ZNF8: variants seen among roughly 807,000 people sequenced by gnomAD.
ZNF8 encodes zinc finger protein 8.
In ZNF8, 9 loss-of-function variants were observed where a neutral mutation model predicts 12.2. That is an observed-to-expected ratio of 0.73 (90% CI 0.44 to 1.28). The LOEUF (loss-of-function observed/expected upper bound fraction) is 1.28. Among genes scored for constraint, ZNF8 ranks in the 50% most tolerant of loss-of-function variants. The probability of loss-of-function intolerance (pLI) is 0.00; values close to 1 mark genes in which losing one functional copy is unlikely to be tolerated. For missense variants in ZNF8, 664 were observed against 729.1 expected (o/e 0.91, Z 1.03); for synonymous variants, 274 against 282.3 (o/e 0.97, Z 0.30).
intron 3 of ZNF8, among the ~76,000 whole-genome samples, chr19:58,289,799 A>T (rs2147958086): frequency 6.7e-6 from 1 of 149,830 alleles, no homozygotes; most frequent in East Asian, 2.0e-4. Context: ...CCATTTCAAG[A>T]TTCTTTTTTT....
chr19:58,294,207 T>C lies in ZNF8; in HGVS notation c.399T>C (p.Tyr133=). The C allele has an allele frequency of 6.2e-7, 1 of 1,614,136 alleles. No homozygotes were observed. ...GREGFPTDAP[Y]PTTLGKDREC... ...AAGGATTCCCGACAGATGCTCCTTA[T>C]CCCACCACGTTAGGGAAAGACAGGG... The change falls in exon 4 of 4, where the codon TAT becomes TAC. Residue 133 remains tyrosine (Y), a synonymous_variant. Coordinates refer to ENST00000621650, the MANE Select transcript of ZNF8 (RefSeq NM_021089.3). The surrounding 1 kb of genome is among the most constrained non-coding windows in gnomAD (Gnocchi z 5.5).
At chr19:58,286,326 C>T (rs2051383437) in intron 3 of ZNF8, 121 bp downstream of exon 3, 3 of 745,200 alleles carry the variant, frequency 4.0e-6, no homozygotes, top group African/African-American at 3.5e-5. Flanking sequence ...TAGGAGTATA[C>T]AGGACTCAGC....
intron 3 of ZNF8, among the ~76,000 whole-genome samples, chr19:58,287,638 CTTTTTTT>C (rs35340103): frequency 9.3e-5 from 6 of 64,834 alleles, no homozygotes; most frequent in African/African-American, 3.7e-4. Flanking sequence ...TGCACCTGGC[CTTTTTTT>C]TTTTTTTTTT....
rs1224122307 is a variant in ZNF8 at position 58,301,902 on chromosome 19, A to C, written c.*6366A>C. 6.6e-6 allele frequency: 1 copy of C among 152,226 alleles called. No individual in the cohort carries two copies. Among genetic ancestry groups the C allele is most frequent in the African/African-American group, 2.4e-5 (1 of 41,464 alleles). 9.4% of individuals were successfully genotyped at this position (152,226 alleles called of 1,614,324 possible). A position where few individuals can be genotyped will look rare whatever the true frequency, so the allele number is the denominator to read the frequency against. Reference sequence around the variant, plus strand: ...CCTACATATATATTTATATGTGTGCAGGCTACATGGTTTTCATTATGCTAT... The same window carrying C: ...CCTACATATATATTTATATGTGTGCCGGCTACATGGTTTTCATTATGCTAT... On this transcript the variant is annotated 3_prime_UTR_variant, in exon 4 of 4. Coordinates refer to ENST00000621650, the MANE Select transcript of ZNF8 (RefSeq NM_021089.3).
intron 1 of ZNF8, 58 bp downstream of exon 1, chr19:58,279,205 A>G: frequency 1.3e-6 from 2 of 1,540,284 alleles, no homozygotes; most frequent in Non-Finnish European, 1.7e-6. Context: ...TCCCGCGCAG[A>G]CTGACCCTTT....
intron 1 of ZNF8, among the ~76,000 whole-genome samples, chr19:58,284,499 C>T (rs1172296121): frequency 1.3e-5 from 2 of 152,170 alleles, no homozygotes; most frequent in Non-Finnish European, 2.9e-5. Flanking sequence ...TGCAGAAGGG[C>T]TTTGTTTATG....
At chr19:58,292,108 G>C (rs2051423163) in intron 3 of ZNF8, among the ~76,000 whole-genome samples, 1 of 152,172 alleles carries the variant, frequency 6.6e-6, no homozygotes, top group South Asian at 2.1e-4. Context: ...AGATAAAATT[G>C]ACATACCATA....
At chr19:58,285,427 A>G (rs759370108) in intron 1 of ZNF8, among the ~76,000 whole-genome samples, 3 of 152,170 alleles carry the variant, frequency 2.0e-5, no homozygotes, top group East Asian at 1.9e-4. Flanking sequence ...AAACCTGCAA[A>G]TAAGTGGTTT....
chr19:58,290,652 T>C (rs2051414016), intron 3 of ZNF8, among the ~76,000 whole-genome samples: 1 of 152,060 alleles, frequency 6.6e-6, no homozygotes, highest in South Asian at 2.1e-4. Context: ...CCTAGCTACT[T>C]AGGAGGCTGA....
At chr19:58,293,992 C>A in intron 3 of ZNF8, 106 bp from the exon 4 acceptor site, 1 of 1,053,372 alleles carries the variant, frequency 9.5e-7, no homozygotes, top group Non-Finnish European at 1.4e-6. Flanking sequence ...CTTGCCAGGG[C>A]AGCTGGTTAG....
At chr19:58,291,738 G>A (rs2051420736) in intron 3 of ZNF8, among the ~76,000 whole-genome samples, 1 of 152,214 alleles carries the variant, frequency 6.6e-6, no homozygotes, top group South Asian at 2.1e-4. Flanking sequence ...AGGGCAAGAT[G>A]GGGTGCTCAT....
Position 58,294,602 on chromosome 19 carries a change from C to G in ZNF8, c.794C>G (p.Ser265Trp). The G allele has an allele frequency of 1.9e-6, 3 of 1,614,048 alleles. No individual in the cohort carries two copies. Among genetic ancestry groups the G allele is most frequent in the Non-Finnish European group, 2.5e-6 (3 of 1,180,024 alleles). Residue 265 changes from serine to tryptophan, a missense_variant, in exon 4 of 4, where the codon TCG (serine) becomes TGG (tryptophan). Physicochemically the swap from Ser to Trp is radical, Grantham distance 177 (BLOSUM62 -3). Coordinates refer to ENST00000621650, the MANE Select transcript of ZNF8 (RefSeq NM_021089.3). The surrounding 1 kb of genome is among the most constrained non-coding windows in gnomAD (Gnocchi z 5.5). ...TACAAATGTACTGACTGTGGGAAGT[C>G]GTTTAACCATAACGCACACCTCACC... ...KPYKCTDCGKSFNHNAHLTVH... is the reference protein window; with the variant it reads ...KPYKCTDCGKWFNHNAHLTVH...
At chr19:58,285,497 C>T (rs1393766069) in intron 1 of ZNF8, among the ~76,000 whole-genome samples, 1 of 152,192 alleles carries the variant, frequency 6.6e-6, no homozygotes, top group East Asian at 1.9e-4. Flanking sequence ...CTCTGCCTGG[C>T]GTTGTTGATC....
chr19:58,282,662 G>C (rs540404881), intron 1 of ZNF8, among the ~76,000 whole-genome samples: 13 of 150,652 alleles, frequency 8.6e-5, no homozygotes, highest in Non-Finnish European at 1.8e-4. Context: ...GAGTCTCACT[G>C]TGTCGCCCAG....
intron 1 of ZNF8, among the ~76,000 whole-genome samples, chr19:58,284,164 C>T (rs931676355): frequency 5.3e-5 from 8 of 151,992 alleles, no homozygotes; most frequent in Admixed American, 3.3e-4. Context: ...GCAGAGGTTG[C>T]AGTGAGCCAA....
Position 58,279,057 on chromosome 19 carries a change from G to A in ZNF8, c.-25G>A, listed in dbSNP as rs752835837. The A allele has an allele frequency of 4.1e-5, 59 of 1,454,782 alleles. No individual in the cohort carries two copies. The East Asian group carries it at 1.5e-3, about 38-fold the overall frequency. The allele number at this position is 1,454,782 out of a possible 1,614,324, so 90.1% of individuals were successfully genotyped here. On this transcript the variant is annotated 5_prime_UTR_variant, in exon 1 of 4. Transcript: ENST00000621650. Reference sequence around the variant, plus strand: ...CTCTGGTCTGGGGATCACCTCAGGCGCTGTCCTTCACTGGGCGATCCAGCA... The same window carrying A: ...CTCTGGTCTGGGGATCACCTCAGGCACTGTCCTTCACTGGGCGATCCAGCA...
intron 1 of ZNF8, 35 bp from the exon 2 acceptor site, chr19:58,285,682 A>G (rs2051378615): frequency 1.2e-6 from 2 of 1,614,146 alleles, no homozygotes; most frequent in East Asian, 2.2e-5. Context: ...TGATGGAGAT[A>G]GTCCAGCTGA....
chr19:58,279,189 A>G, intron 1 of ZNF8, 42 bp downstream of exon 1: 4 of 1,543,008 alleles, frequency 2.6e-6, no homozygotes, highest in South Asian at 1.2e-5. Flanking sequence ...GCTCCGGGCA[A>G]GCGTCTCCCG....
chr19:58,290,331 G>A (rs989735682), intron 3 of ZNF8, among the ~76,000 whole-genome samples: 1 of 149,746 alleles, frequency 6.7e-6, no homozygotes, highest in East Asian at 2.0e-4. Flanking sequence ...GGCCAGGATG[G>A]TCTCTATCTC....
Sources: gnomAD v4.1 joint callset for allele counts (sites outside exome capture counted in the v4.1 genomes callset) on GRCh38, gnomAD v4.1.1 for gene constraint, Gnocchi (gnomAD v3.1) non-coding constraint, MANE v1.5 for transcripts, NCBI Gene and HGNC (gene_info 2026-07-23, HGNC 2026-07-21) for gene names.